Variants in ADAMTS12 observed in about 807,000 individuals in gnomAD.
ADAMTS12 encodes ADAM metallopeptidase with thrombospondin type 1 motif 12, also known as A disintegrin and metalloproteinase with thrombospondin motifs 12.
In ADAMTS12, 118 loss-of-function variants were observed where a neutral mutation model predicts 167.8. That is an observed-to-expected ratio of 0.70 (90% CI 0.61 to 0.82). The LOEUF (loss-of-function observed/expected upper bound fraction) is 0.82, where lower values mean the gene tolerates loss of function less well. ADAMTS12 is among the 40% of genes least tolerant of loss of function. ADAMTS12 has a pLI of 0.00. For synonymous variants in ADAMTS12, 704 were observed against 716.9 expected (o/e 0.98, Z 0.29); for missense variants, 1,916 against 1,998.8 (o/e 0.96, Z 0.79).
At chr5:33,740,211 T>C (rs1033724467) in intron 3 of ADAMTS12, among the ~76,000 whole-genome samples, 2 of 152,256 alleles carry the variant, frequency 1.3e-5, no homozygotes, top group Non-Finnish European at 2.9e-5. Context: ...AAAACTCATT[T>C]GACTGTATAT....
chr5:33,531,949 C>T (rs537748447), intron 23 of ADAMTS12, among the ~76,000 whole-genome samples: 14 of 152,248 alleles, frequency 9.2e-5, no homozygotes, highest in African/African-American at 2.9e-4. Flanking sequence ...AGATGATGAC[C>T]GTGAGCCCAA....
At chr5:33,599,621 T>C (rs967612103) in intron 16 of ADAMTS12, among the ~76,000 whole-genome samples, 2 of 152,154 alleles carry the variant, frequency 1.3e-5, no homozygotes, top group African/African-American at 2.4e-5. Context: ...GTAAATTACC[T>C]TTCTTAATTT....
chr5:33,739,221 C>T (rs1210423135), intron 3 of ADAMTS12, among the ~76,000 whole-genome samples: 1 of 152,044 alleles, frequency 6.6e-6, no homozygotes, highest in African/African-American at 2.4e-5. Flanking sequence ...TGTTTAAACA[C>T]ACATGTACAC....
chr5:33,788,277 TTC>T (rs1161540830), intron 2 of ADAMTS12, among the ~76,000 whole-genome samples: 3 of 152,114 alleles, frequency 2.0e-5, no homozygotes, highest in African/African-American at 2.4e-5. Flanking sequence ...ACAGTCTTTT[TTC>T]TCTCTCTCTT....
At chr5:33,719,044 C>T (rs1459478936) in intron 3 of ADAMTS12, among the ~76,000 whole-genome samples, 1 of 152,126 alleles carries the variant, frequency 6.6e-6, no homozygotes, top group African/African-American at 2.4e-5. Context: ...TTTTACATGC[C>T]TTGCGGTGCT....
intron 2 of ADAMTS12, among the ~76,000 whole-genome samples, chr5:33,755,081 A>G (rs1176572781): frequency 6.6e-6 from 1 of 152,196 alleles, no homozygotes; most frequent in Non-Finnish European, 1.5e-5. Flanking sequence ...CTCCAGATCA[A>G]TAACATCCCC....
At chr5:33,560,117 A>G (rs956186834) in intron 20 of ADAMTS12, among the ~76,000 whole-genome samples, 8 of 152,220 alleles carry the variant, frequency 5.3e-5, no homozygotes, top group African/African-American at 1.9e-4. Flanking sequence ...TGGAGAAGCA[A>G]TTAATAACCC....
chr5:33,883,330 TTTTTTTTTTTTG>T (rs1561327429), intron 1 of ADAMTS12, among the ~76,000 whole-genome samples: 2 of 57,016 alleles, frequency 3.5e-5, no homozygotes, highest in African/African-American at 1.2e-4. Context: ...TTTTTTTGTT[TTTTTTTTTTTTG>T]TTTTTTTTTT....
chr5:33,752,552 T>C (rs1444371220), intron 2 of ADAMTS12, among the ~76,000 whole-genome samples: 1 of 152,214 alleles, frequency 6.6e-6, no homozygotes, highest in Non-Finnish European at 1.5e-5. Context: ...AGTTAATGTA[T>C]GCAAAGCTCT....
At chr5:33,533,739 C>A (rs1427094606) in intron 23 of ADAMTS12, among the ~76,000 whole-genome samples, 2 of 152,164 alleles carry the variant, frequency 1.3e-5, no homozygotes, top group African/African-American at 4.8e-5. Flanking sequence ...TCTCTCCTGG[C>A]CTCCATACCT....
intron 2 of ADAMTS12, among the ~76,000 whole-genome samples, chr5:33,778,139 C>A (rs983512718): frequency 6.6e-6 from 1 of 152,022 alleles, no homozygotes; most frequent in Non-Finnish European, 1.5e-5. Flanking sequence ...TATCAAAATT[C>A]CAATGGCATT....
chr5:33,719,150 T>G lies in ADAMTS12; in HGVS notation c.634+32254A>C, dbSNP rs1382463023. Among the ~76,000 whole-genome samples, 7 of 152,170 alleles carry G rather than the reference T, an allele frequency of 4.6e-5. No homozygotes were observed. The East Asian group carries it at 1.3e-3, about 29-fold the overall frequency. ...CAGAGCTTAATGATCCACTTGGGAT[T>G]TAATTCTTAGGTAGGAAGGTAGATG... On this transcript the variant is annotated intron_variant, in intron 3 of 23. Coordinates refer to ENST00000504830, the MANE Select transcript of ADAMTS12 (RefSeq NM_030955.4).
chr5:33,685,515 C>T (rs891031069), intron 3 of ADAMTS12, among the ~76,000 whole-genome samples: 3 of 152,204 alleles, frequency 2.0e-5, no homozygotes, highest in African/African-American at 7.2e-5. Flanking sequence ...CTTCCTGGTT[C>T]CTCAGTTTCT....
At chr5:33,873,731 T>C (rs1026744953) in intron 2 of ADAMTS12, among the ~76,000 whole-genome samples, 5 of 152,038 alleles carry the variant, frequency 3.3e-5, no homozygotes, top group African/African-American at 1.2e-4. Context: ...TGAAACAGAA[T>C]AGAGAGCCCA....
chr5:33,550,420 C>T (rs918653403), intron 20 of ADAMTS12, among the ~76,000 whole-genome samples: 2 of 152,184 alleles, frequency 1.3e-5, no homozygotes, highest in African/African-American at 4.8e-5. Context: ...CCTGGCCTGA[C>T]CAGTCTTGTT....
rs150330047 is a variant in ADAMTS12, at chr5:33,759,349, T to C, written c.490-7801A>G. Among the ~76,000 whole-genome samples, 16 of 152,344 alleles carry C rather than the reference T, an allele frequency of 1.1e-4. No individual in the cohort carries two copies. The East Asian group carries it at 1.2e-3, about 11-fold the overall frequency. On this transcript the variant is annotated intron_variant, in intron 2 of 23. Coordinates refer to ENST00000504830, the MANE Select transcript of ADAMTS12 (RefSeq NM_030955.4). ...TATAGCATAGTCTGTTTTTCTCTAG[T>C]AAAAGAAGCCAGACTTCAGAGACAG...
intron 2 of ADAMTS12, among the ~76,000 whole-genome samples, chr5:33,827,711 ATAGATAGATAGATAG>A (rs1561294066): frequency 0.052 from 5,295 of 101,774 alleles, 278 homozygotes; most frequent in African/African-American, 0.17. Flanking sequence ...AGAAAACAAA[ATAGATAGATAGATAG>A]ATAGATAGAT....
rs568089702 is a variant in ADAMTS12, at chr5:33,813,753, T to C, written c.490-62205A>G. On this transcript the variant is annotated intron_variant, in intron 2 of 23. Coordinates refer to ENST00000504830, the MANE Select transcript of ADAMTS12 (RefSeq NM_030955.4). The stretch of plus-strand genomic sequence containing the variant: ...ACAGCCAGCACCAATTTGTGGGCCA[T>C]GTGAATGGCCAGTCTTGGAAGTGGA... 1.6e-4 allele frequency among the ~76,000 whole-genome samples: 25 copies of C among 152,338 alleles called. No individual in the cohort carries two copies. The South Asian group carries it at 4.1e-3, about 25-fold the overall frequency.
chr5:33,560,776 G>C (rs565522284), intron 20 of ADAMTS12, among the ~76,000 whole-genome samples: 1 of 123,094 alleles, frequency 8.1e-6, no homozygotes, highest in South Asian at 3.5e-4. Flanking sequence ...GTTGTGGGGT[G>C]GGGGGAGGGG....
Sources: gnomAD v4.1 joint callset for allele counts (sites outside exome capture counted in the v4.1 genomes callset) on GRCh38, gnomAD v4.1.1 for gene constraint, MANE v1.5 for transcripts, NCBI Gene and HGNC (gene_info 2026-07-23, HGNC 2026-07-21) for gene names.